Variants in TMEM135 observed in about 807,000 individuals in gnomAD.
TMEM135 encodes peroxisomal membrane protein 52.
Under a neutral mutation model 60.3 loss-of-function variants are expected in TMEM135, and 30 were observed. That is an observed-to-expected ratio of 0.50 (90% CI 0.37 to 0.68). The LOEUF (loss-of-function observed/expected upper bound fraction) is 0.68, where lower values mean the gene tolerates loss of function less well. Ranked by LOEUF, TMEM135 falls within the 30% of genes least tolerant of loss-of-function variation. The pLI, the probability that TMEM135 is intolerant of heterozygous loss-of-function variation, is 0.00. For missense variants in TMEM135, 468 were observed against 548.8 expected (o/e 0.85, Z 1.47); for synonymous variants, 190 against 186.7 (o/e 1.02, Z -0.14).
intron 6 of TMEM135, among the ~76,000 whole-genome samples, chr11:87,290,749 T>C (rs1328711747): frequency 6.6e-6 from 1 of 152,174 alleles, no homozygotes; most frequent in Non-Finnish European, 1.5e-5. Flanking sequence ...TTATGCAACA[T>C]ATTTCTTTTC....
At chr11:87,068,533 G>A (rs547242032) in intron 2 of TMEM135, among the ~76,000 whole-genome samples, 6 of 152,196 alleles carry the variant, frequency 3.9e-5, no homozygotes, top group African/African-American at 7.2e-5. Flanking sequence ...ATTTCTGACC[G>A]GGCGCGGTGG....
In TMEM135 at chr11:87,236,662, G is replaced by T. The variant is rs1321420699; in HGVS notation, c.487G>T (p.Ala163Ser). 1.9e-6 allele frequency: 3 copies of T among 1,612,158 alleles called. No homozygotes were observed. In the African/African-American group the frequency reaches 4.0e-5, roughly 22 times the overall value. Residue 163 changes from alanine (A) to serine (S), a missense_variant, in exon 6 of 15, where the codon GCC becomes TCC. Physicochemically the swap from Ala to Ser is moderately conservative, Grantham distance 99 (BLOSUM62 1). Transcript: ENST00000305494. ...GGTCCTTTTGTTTTGCATCACAGCTGCCATGTACATGTTCTTTTTCAGGTA... is the reference window on the plus strand; with the variant it reads ...GGTCCTTTTGTTTTGCATCACAGCTTCCATGTACATGTTCTTTTTCAGGTA... ...GEVLLFCITA[A>S]MYMFFFRCKD... is the part of the protein sequence containing the mutation.
rs907654434 is a variant in TMEM135, at chr11:87,147,655, A to AAC, written c.397-9676_397-9675dup. 2.0e-5 allele frequency among the ~76,000 whole-genome samples: 3 copies of AAC among 152,320 alleles called. No individual in the cohort carries two copies. The East Asian group carries it at 5.8e-4, about 29-fold the overall frequency. On this transcript the variant is annotated intron_variant, in intron 4 of 14. Coordinates refer to ENST00000305494, the MANE Select transcript of TMEM135 (RefSeq NM_022918.4). Reference sequence around the variant, plus strand: ...TTTGATTTGCACACATATACACAAAAACACACACACAAAAGTCCAATCCAG... The same window carrying AAC: ...TTTGATTTGCACACATATACACAAAAACACACACACACAAAAGTCCAATCCAG...
At chr11:87,315,415 A>G (rs946578493) in intron 12 of TMEM135, among the ~76,000 whole-genome samples, 3 of 151,836 alleles carry the variant, frequency 2.0e-5, no homozygotes, top group African/African-American at 7.3e-5. Context: ...TGAACTTCCA[A>G]TTGCATCATC....
intron 4 of TMEM135, among the ~76,000 whole-genome samples, chr11:87,107,665 A>C (rs7481222): frequency 6.6e-6 from 1 of 151,996 alleles, no homozygotes; most frequent in Non-Finnish European, 1.5e-5. Flanking sequence ...GGCTATCATT[A>C]ATGGACATTT....
Position 87,322,759 on chromosome 11 carries a change from T to C in TMEM135, c.*1426T>C, listed in dbSNP as rs1161732250. The C allele has an allele frequency of 4.4e-6, 2 of 454,048 alleles. No individual in the cohort carries two copies. The highest frequency in any genetic ancestry group is 2.4e-5 in the Admixed American group (1 of 42,522). The allele number at this position is 454,048 out of a possible 1,614,324, so 28.1% of individuals were successfully genotyped here. On this transcript the variant is annotated 3_prime_UTR_variant, in exon 15 of 15. Transcript: ENST00000305494. ...TTCTGCTTAAATGTAATTCAATCCT[T>C]GGTTGTTATGGCAAACAGAAACCCA...
chr11:87,224,725 T>G (rs1940729198), intron 5 of TMEM135, among the ~76,000 whole-genome samples: 1 of 151,800 alleles, frequency 6.6e-6, no homozygotes, highest in African/African-American at 2.4e-5. Context: ...ATAGCACCTT[T>G]CTTCTCCTTC....
chr11:87,053,729 T>G (rs1406353159), intron 1 of TMEM135, among the ~76,000 whole-genome samples: 2 of 152,176 alleles, frequency 1.3e-5, no homozygotes, highest in Non-Finnish European at 2.9e-5. Context: ...TTATAATACT[T>G]CAGATTTATT....
intron 4 of TMEM135, among the ~76,000 whole-genome samples, chr11:87,117,304 T>C (rs868724224): frequency 5.9e-5 from 9 of 152,192 alleles, no homozygotes; most frequent in African/African-American, 2.2e-4. Flanking sequence ...TTTTTTAATA[T>C]AAGACAACAA....
At chr11:87,260,564 A>G (rs1941630686) in intron 6 of TMEM135, among the ~76,000 whole-genome samples, 1 of 151,942 alleles carries the variant, frequency 6.6e-6, no homozygotes, top group South Asian at 2.1e-4. Context: ...ATCCCTTTTA[A>G]TTTTCTGTTA....
chr11:87,275,111 A>G (rs1941944925), intron 6 of TMEM135, among the ~76,000 whole-genome samples: 1 of 152,088 alleles, frequency 6.6e-6, no homozygotes, highest in Non-Finnish European at 1.5e-5. Flanking sequence ...AAAATAAAAA[A>G]GCATGTGAAG....
chr11:87,055,289 T>A (rs1156529503), intron 1 of TMEM135, among the ~76,000 whole-genome samples: 2 of 152,178 alleles, frequency 1.3e-5, no homozygotes, highest in African/African-American at 4.8e-5. Flanking sequence ...GCAATTACTT[T>A]ATAGAAAAAT....
At chr11:87,135,037 C>T (rs1938050900) in intron 4 of TMEM135, among the ~76,000 whole-genome samples, 1 of 152,164 alleles carries the variant, frequency 6.6e-6, no homozygotes, top group Non-Finnish European at 1.5e-5. Flanking sequence ...ATAGGCTGTT[C>T]TCAGTGAACT....
chr11:87,099,070 C>T (rs953782375), intron 4 of TMEM135, among the ~76,000 whole-genome samples: 1 of 152,202 alleles, frequency 6.6e-6, no homozygotes, highest in African/African-American at 2.4e-5. Flanking sequence ...ATTATGCCTG[C>T]ACGCTAGCAT....
At chr11:87,196,216 A>C (rs187613955) in intron 5 of TMEM135, among the ~76,000 whole-genome samples, 1 of 152,208 alleles carries the variant, frequency 6.6e-6, no homozygotes, top group Non-Finnish European at 1.5e-5. Flanking sequence ...ATTTTGTGCT[A>C]AAAAGTGAAT....
At chr11:87,233,562 A>C (rs1940933095) in intron 5 of TMEM135, among the ~76,000 whole-genome samples, 1 of 152,144 alleles carries the variant, frequency 6.6e-6, no homozygotes, top group South Asian at 2.1e-4. Context: ...GTTGAAACTT[A>C]TGAAATTGTA....
intron 6 of TMEM135, among the ~76,000 whole-genome samples, chr11:87,272,966 C>T (rs1235315031): frequency 1.3e-5 from 2 of 152,128 alleles, no homozygotes; most frequent in Non-Finnish European, 1.5e-5. Context: ...AGGCTATAGC[C>T]GATAAGCCTA....
chr11:87,223,698 A>C (rs889854862), intron 5 of TMEM135, among the ~76,000 whole-genome samples: 8 of 140,758 alleles, frequency 5.7e-5, no homozygotes, highest in South Asian at 2.2e-4. Flanking sequence ...CACACACACA[A>C]AATTAGCTGG....
chr11:87,089,552 A>C (rs1209492648), intron 3 of TMEM135, among the ~76,000 whole-genome samples: 1 of 150,180 alleles, frequency 6.7e-6, no homozygotes, highest in Non-Finnish European at 1.5e-5. Context: ...CAAAAAGAAA[A>C]AGAAAAAGAA....
Sources: allele counts gnomAD v4.1 joint callset (sites outside exome capture counted in the v4.1 genomes callset), GRCh38; gene constraint gnomAD v4.1.1; transcripts MANE v1.5; gene names NCBI Gene and HGNC (gene_info 2026-07-23, HGNC 2026-07-21).